ADGRG1: variants seen among roughly 807,000 people sequenced by gnomAD.
ADGRG1 encodes the protein adhesion G protein-coupled receptor G1.
Under a neutral mutation model 73.5 loss-of-function variants are expected in ADGRG1, and 53 were observed. The observed-to-expected ratio is 0.72, with a 90% CI of 0.58 to 0.91. ADGRG1 has a LOEUF of 0.91. Ranked by LOEUF, ADGRG1 falls within the 40% of genes least tolerant of loss-of-function variation. The pLI, the probability that ADGRG1 is intolerant of heterozygous loss-of-function variation, is 0.00. For missense variants in ADGRG1, 795 were observed against 871.8 expected (o/e 0.91, Z 1.11); for synonymous variants, 394 against 374.4 (o/e 1.05, Z -0.60).
In ADGRG1 at chr16:57,661,951, T is replaced by C. The variant is rs1468990925; in HGVS notation, c.1919T>C (p.Ile640Thr). 1 of 1,613,846 alleles carries C rather than the reference T, an allele frequency of 6.2e-7. No individual in the cohort carries two copies. The change falls in exon 13 of 14, where the codon ATC (isoleucine) becomes ACC (threonine). Residue 640 changes from isoleucine to threonine, a missense_variant. Physicochemically the swap from Ile to Thr is moderately conservative, Grantham distance 89. Coordinates refer to ENST00000562631, the MANE Select transcript of ADGRG1 (RefSeq NM_201525.4). The part of the protein sequence containing the change: ...QLVVLYLFSI[I>T]TSFQGFLIFI... ...GTCGTCCTCTACCTTTTCAGCATCA[T>C]CACCTCCTTCCAAGGTAAGGAGAAG...
In ADGRG1 at chr16:57,655,510, A is replaced by C; in HGVS notation, c.880A>C (p.Ser294Arg). The change falls in exon 6 of 14, where the codon AGC becomes CGC. Residue 294 changes from serine to arginine, a missense_variant. Physicochemically the swap from Ser to Arg is moderately radical, Grantham distance 110 (BLOSUM62 -1). Transcript: ENST00000562631. ...GAAGAGACTCCTCCTGGTGGACTTC[A>C]GCAGCCAAGCCCTGTTCCAGGTATG... is the stretch of plus-strand genomic sequence containing the variant. Reference protein sequence around the residue: ...AEKRLLLVDFSSQALFQDKNS... With the variant: ...AEKRLLLVDFRSQALFQDKNS... The C allele has an allele frequency of 6.2e-7, 1 of 1,613,914 alleles. No homozygotes were observed. Among genetic ancestry groups the C allele is most frequent in the Non-Finnish European group, 8.5e-7 (1 of 1,180,038 alleles).
intron 1 of ADGRG1, among the ~76,000 whole-genome samples, chr16:57,644,550 T>A (rs1467699093): frequency 8.2e-5 from 10 of 121,488 alleles, no homozygotes; most frequent in Admixed American, 2.7e-4. Flanking sequence ...GGCACACACA[T>A]GCACACACGG....
chr16:57,653,438 T>C, intron 4 of ADGRG1, 103 bp downstream of exon 4: 3 of 1,559,114 alleles, frequency 1.9e-6, no homozygotes, highest in Non-Finnish European at 2.6e-6. Flanking sequence ...AGGCCTTCCC[T>C]GGGACTGGAA....
upstream of ADGRG1, chr16:57,620,146 G>C (rs569239681): frequency 6.6e-6 from 1 of 152,356 alleles, no homozygotes; most frequent in Admixed American, 6.5e-5. Context: ...GGTAAGAGAC[G>C]GGTGGGGGAC....
chr16:57,655,150 AT>A, intron 5 of ADGRG1: 6 of 985,404 alleles, frequency 6.1e-6, no homozygotes, highest in Non-Finnish European at 6.0e-6. Flanking sequence ...ACAACAGAAC[AT>A]CATGTGGTTC....
chr16:57,631,691 G>A lies in ADGRG1; in HGVS notation c.-36+2889G>A, dbSNP rs1284654232. ...CAACTGGGCAGATGGCAAATGGGGG[G>A]CGGGGCGGGCTGGCACAAAGGGGTC... On this transcript the variant is annotated intron_variant, in intron 1 of 13. Coordinates refer to ENST00000562631, the MANE Select transcript of ADGRG1 (RefSeq NM_201525.4). 5 of 985,310 alleles carry A rather than the reference G, an allele frequency of 5.1e-6. No homozygotes were observed. In the South Asian group the frequency reaches 1.9e-4, roughly 37 times the overall value. The allele number at this position is 985,310 out of a possible 1,614,324, so 61.0% of individuals were successfully genotyped here. A position where few individuals can be genotyped will look rare whatever the true frequency, so the allele number is the denominator to read the frequency against.
At chr16:57,655,371 T>C in intron 5 of ADGRG1, 28 bp from the exon 6 acceptor site, 1 of 1,611,128 alleles carries the variant, frequency 6.2e-7, no homozygotes, top group Non-Finnish European at 8.5e-7. Flanking sequence ...GGTCCGCATT[T>C]GGCTGAGCCC....
chr16:57,636,985 G>C (rs2039522221), intron 1 of ADGRG1, among the ~76,000 whole-genome samples: 1 of 152,230 alleles, frequency 6.6e-6, no homozygotes, highest in African/African-American at 2.4e-5. Context: ...TGAGGCCTGA[G>C]AAGGAGGCAG....
intron 1 of ADGRG1, chr16:57,633,043 G>A: frequency 2.6e-6 from 2 of 764,994 alleles, no homozygotes; most frequent in Non-Finnish European, 3.2e-6. Context: ...AGTACCCCCA[G>A]CCTGGATGCT....
chr16:57,656,668 T>C, intron 9 of ADGRG1, 51 bp downstream of exon 9: 2 of 1,090,314 alleles, frequency 1.8e-6, no homozygotes, highest in Non-Finnish European at 2.9e-6. Flanking sequence ...CGTGTGCTTG[T>C]TCTGTGCAAG....
At chr16:57,630,171 C>A (rs375332998) in intron 1 of ADGRG1, 4 of 401,080 alleles carry the variant, frequency 1.0e-5, no homozygotes, top group Non-Finnish European at 1.4e-5. Context: ...CAGAGCCAAG[C>A]CCCCTGCCCC....
chr16:57,638,394 A>G (rs1238055846), intron 1 of ADGRG1, among the ~76,000 whole-genome samples: 1 of 152,160 alleles, frequency 6.6e-6, no homozygotes, highest in Admixed American at 6.5e-5. Context: ...TGCCCAGTGT[A>G]GTTCCTGGCA....
At chr16:57,642,091 C>T (rs1163516102) in intron 1 of ADGRG1, 16 of 985,254 alleles carry the variant, frequency 1.6e-5, no homozygotes, top group Non-Finnish European at 1.9e-5. Context: ...TTCTCATCTC[C>T]TAAAACTCTT....
Position 57,638,307 on chromosome 16 carries a change from C to T in ADGRG1, c.-36+9505C>T, listed in dbSNP as rs184656500. 2.2e-4 allele frequency among the ~76,000 whole-genome samples: 34 copies of T among 152,320 alleles called. No homozygotes were observed. The East Asian group carries it at 4.2e-3, about 19-fold the overall frequency. On this transcript the variant is annotated intron_variant, in intron 1 of 13. Transcript: ENST00000562631. Reference sequence around the variant, plus strand: ...GTGGCTCACAGCAAGTCACATCCCCCGAGTCTCTGTTTCCCAATCTGTAAG... The same window carrying T: ...GTGGCTCACAGCAAGTCACATCCCCTGAGTCTCTGTTTCCCAATCTGTAAG...
chr16:57,656,501 G>C lies in ADGRG1; in HGVS notation c.1064-13G>C. 2 of 1,605,394 alleles carry C rather than the reference G, an allele frequency of 1.2e-6. No individual in the cohort carries two copies. The highest frequency in any genetic ancestry group is 1.7e-6 in the Non-Finnish European group (2 of 1,172,146). ...CTGGACTTGATTGGAGCCCCGTGCTGTCCCCTCCTCAGTGAGCAGCCCGGG... is the reference window on the plus strand; with the variant it reads ...CTGGACTTGATTGGAGCCCCGTGCTCTCCCCTCCTCAGTGAGCAGCCCGGG... On this transcript the variant is annotated splice_polypyrimidine_tract_variant and intron_variant, in intron 8 of 13. Coordinates refer to ENST00000562631, the MANE Select transcript of ADGRG1 (RefSeq NM_201525.4).
intron 1 of ADGRG1, chr16:57,637,242 G>T (rs541632792): frequency 5.7e-6 from 5 of 870,156 alleles, no homozygotes; most frequent in Non-Finnish European, 6.9e-6. Context: ...TTCAGTCCCC[G>T]CCCCGACCCT....
At chr16:57,628,592 G>GT (rs528237117), upstream of ADGRG1, 169 of 985,484 alleles carry the variant, frequency 1.7e-4, no homozygotes, top group South Asian at 5.8e-3. Context: ...CAGGAGAGGG[G>GT]TGTCTCCCCA....
At chr16:57,662,009 C>A in intron 13 of ADGRG1, 44 bp downstream of exon 13, 1 of 1,499,408 alleles carries the variant, frequency 6.7e-7, no homozygotes, top group Non-Finnish European at 9.3e-7. Context: ...GGTGTCTACA[C>A]ATGGAGCAAG....
rs529212538 is a variant in ADGRG1, at chr16:57,640,555, C to T, written c.-35-9698C>T. On this transcript the variant is annotated intron_variant, in intron 1 of 13. Coordinates refer to ENST00000562631, the MANE Select transcript of ADGRG1 (RefSeq NM_201525.4). Reference sequence around the variant, plus strand: ...GTGTCACTGGAGGTGGTGAGCACCCCGCCTGCGGGGTGTGCAACCTCTGAT... The same window carrying T: ...GTGTCACTGGAGGTGGTGAGCACCCTGCCTGCGGGGTGTGCAACCTCTGAT... 3.9e-5 allele frequency among the ~76,000 whole-genome samples: 6 copies of T among 152,306 alleles called. No individual in the cohort carries two copies. In the South Asian group the frequency reaches 6.2e-4, roughly 16 times the overall value.
Sources: gnomAD v4.1 joint callset for allele counts (sites outside exome capture counted in the v4.1 genomes callset) on GRCh38, gnomAD v4.1.1 for gene constraint, MANE v1.5 for transcripts, NCBI Gene and HGNC (gene_info 2026-07-23, HGNC 2026-07-21) for gene names.